The following ST6GALNAC4 variants were observed in gnomAD, a reference collection of about 807,000 sequenced individuals.
ST6GALNAC4 encodes the protein alpha-N-acetyl-neuraminyl-2,3-beta-galactosyl-1,3-N-acetyl-galactosaminide alpha-2,6-sialyltransferase.
In ST6GALNAC4, 24 loss-of-function variants were observed where a neutral mutation model predicts 30.4. The ratio of observed to expected loss-of-function variants is 0.79; its 90% CI spans 0.57 to 1.11. The LOEUF is 1.11. Among genes scored for constraint, ST6GALNAC4 ranks in the 50% most tolerant of loss-of-function variants. ST6GALNAC4 has a pLI of 0.00. For synonymous variants in ST6GALNAC4, 156 were observed against 179.7 expected, an observed-to-expected ratio of 0.87 and a Z score of 1.05; for missense variants, 365 against 430.1, an observed-to-expected ratio of 0.85 and a Z score of 1.34.
chr9:127,913,360 GA>G (rs1831122570), intron 3 of ST6GALNAC4, among the ~76,000 whole-genome samples: 1 of 152,190 alleles, frequency 6.6e-6, no homozygotes, highest in African/African-American at 2.4e-5. Flanking sequence ...CAAGGTGGGT[GA>G]ATCACCTGAG....
intron 4 of ST6GALNAC4, 110 bp from the exon 5 acceptor site, chr9:127,910,168 T>G: frequency 6.9e-7 from 1 of 1,454,714 alleles, no homozygotes; most frequent in Non-Finnish European, 9.1e-7. Flanking sequence ...CACCTCAACC[T>G]CTTGCGGGGG....
At chr9:127,915,349 G>A (rs555086699) in intron 2 of ST6GALNAC4, among the ~76,000 whole-genome samples, 1 of 152,058 alleles carries the variant, frequency 6.6e-6, no homozygotes, top group African/African-American at 2.4e-5. Flanking sequence ...CCTCAGAAGG[G>A]CCACCAGCCC....
chr9:127,909,419 A>G (rs1831022854), intron 5 of ST6GALNAC4, among the ~76,000 whole-genome samples: 1 of 151,482 alleles, frequency 6.6e-6, no homozygotes, highest in Non-Finnish European at 1.5e-5. Context: ...TAATAATATA[A>G]CAATGGTACA....
In ST6GALNAC4 at chr9:127,912,319, C is replaced by T. The variant is rs565160801; in HGVS notation, c.560G>A (p.Arg187His). 1.2e-4 allele frequency: 194 copies of T among 1,613,914 alleles called. No individual in the cohort carries two copies. The highest frequency in any genetic ancestry group is 1.7e-4 in the Middle Eastern group (1 of 5,978). ...PGLQVYTFTE[R>H]MMAYCDQIFQ... The stretch of plus-strand genomic sequence containing the variant: ...GATCTGGTCGCAGTAGGCCATCATG[C>T]GCTCCGTGAAGGTGTACACCTGCAG... Residue 187 changes from arginine (R) to histidine (H), a missense_variant, in exon 4 of 6, where the codon CGC becomes CAC. Physicochemically the swap from Arg to His is conservative, Grantham distance 29. Coordinates refer to ENST00000335791, the MANE Select transcript of ST6GALNAC4 (RefSeq NM_175039.4).
rs1831040943 is a variant in ST6GALNAC4, at chr9:127,910,045, A to G, written c.625T>C (p.Ser209Pro). The G allele has an allele frequency of 6.2e-7, 1 of 1,613,386 alleles. No individual in the cohort carries two copies. Among genetic ancestry groups the G allele is most frequent in the Non-Finnish European group, 8.5e-7 (1 of 1,179,914 alleles). The change falls in exon 5 of 6, where the codon TCC (serine) becomes CCC (proline). Residue 209 changes from serine (S) to proline (P), a missense_variant. Transcript: ENST00000335791. ...GTGAACCAGCCGGTGCTGAGGAAGG[A>G]GCCCGACTGCCTCCTGGGGGTGGCG... ...ETGKNRRQSGSFLSTGWFTMI... is the reference protein window; with the variant it reads ...ETGKNRRQSGPFLSTGWFTMI...
At chr9:127,916,071 GCT>G (rs904455281) in intron 2 of ST6GALNAC4, 22 of 444,756 alleles carry the variant, frequency 4.9e-5, no homozygotes, top group Admixed American at 4.2e-4. Flanking sequence ...CCCACATCCA[GCT>G]CTCTCTCTCA....
chr9:127,912,183 G>C lies in ST6GALNAC4; in HGVS notation c.611+85C>G, dbSNP rs141595118. ...GAGTGCTGACCTCCCGGGCCTGACAGAGCAGCCCCTGATGGACAAGAGACT... is the reference window on the plus strand; with the variant it reads ...GAGTGCTGACCTCCCGGGCCTGACACAGCAGCCCCTGATGGACAAGAGACT... On this transcript the variant is annotated intron_variant, in intron 4 of 5. Coordinates refer to ENST00000335791, the MANE Select transcript of ST6GALNAC4 (RefSeq NM_175039.4). 1,004 of 1,507,844 alleles carry C rather than the reference G, an allele frequency of 6.7e-4. 4 individuals are homozygous for C. The African/African-American group carries it at 0.013, about 20-fold the overall frequency. The allele number at this position is 1,507,844 out of a possible 1,614,324, so 93.4% of individuals were successfully genotyped here.
chr9:127,916,171 T>C (rs1374689743), intron 2 of ST6GALNAC4: 1 of 595,712 alleles, frequency 1.7e-6, no homozygotes, highest in Admixed American at 3.0e-5. Flanking sequence ...GGTGAGCTCG[T>C]AGCGTTACCT....
intron 5 of ST6GALNAC4, 110 bp downstream of exon 5, chr9:127,909,841 T>G (rs905361333): frequency 9.4e-7 from 1 of 1,064,790 alleles, no homozygotes; most frequent in East Asian, 2.6e-5. Flanking sequence ...TCACCCACCA[T>G]GAAGCCCACA....
At chr9:127,911,671 C>A (rs1413370274) in intron 4 of ST6GALNAC4, among the ~76,000 whole-genome samples, 1 of 152,086 alleles carries the variant, frequency 6.6e-6, no homozygotes, top group Non-Finnish European at 1.5e-5. Flanking sequence ...ATTTTTAGTA[C>A]AGATGGGGTT....
chr9:127,910,027 A>G lies in ST6GALNAC4; in HGVS notation c.643T>C (p.Trp215Arg), dbSNP rs1282102138. The change falls in exon 5 of 6, where the codon TGG (tryptophan) becomes CGG (arginine). Residue 215 changes from tryptophan to arginine, a missense_variant. By Grantham distance (101) the Trp-to-Arg change is moderately radical. Coordinates refer to ENST00000335791, the MANE Select transcript of ST6GALNAC4 (RefSeq NM_175039.4). ...TCCAGCGCGAGGATCATGGTGAACC[A>G]GCCGGTGCTGAGGAAGGAGCCCGAC... Reference protein sequence around the residue: ...RQSGSFLSTGWFTMILALELC... With the variant: ...RQSGSFLSTGRFTMILALELC... 2.5e-6 allele frequency: 4 copies of G among 1,613,516 alleles called. No individual in the cohort carries two copies. The South Asian group carries it at 4.4e-5, about 18-fold the overall frequency.
At chr9:127,914,253 G>A (rs148687607) in intron 3 of ST6GALNAC4, among the ~76,000 whole-genome samples, 1 of 151,470 alleles carries the variant, frequency 6.6e-6, no homozygotes, top group Admixed American at 6.6e-5. Context: ...AATTAGCCAG[G>A]TGTGGTGGTA....
chr9:127,915,671 G>A (rs1164161560), intron 2 of ST6GALNAC4, among the ~76,000 whole-genome samples: 1 of 152,182 alleles, frequency 6.6e-6, no homozygotes, highest in African/African-American at 2.4e-5. Context: ...AAGCCTCCCA[G>A]GAGGGGAAGG....
intron 4 of ST6GALNAC4, 199 bp from the exon 5 acceptor site, chr9:127,910,257 A>G (rs1446087250): frequency 1.5e-6 from 2 of 1,375,934 alleles, no homozygotes; most frequent in East Asian, 2.9e-5. Flanking sequence ...ACACAAACCC[A>G]GGCCTGATCA....
At chr9:127,910,417 T>A in intron 4 of ST6GALNAC4, 3 of 1,061,070 alleles carry the variant, frequency 2.8e-6, no homozygotes, top group Non-Finnish European at 3.4e-6. Context: ...CAGGGCACCG[T>A]GGTTTGAAGT....
Position 127,912,648 on chromosome 9 carries a change from G to A in ST6GALNAC4, c.231C>T (p.Ala77=), listed in dbSNP as rs764824937. Residue 77 remains alanine, a synonymous_variant, in exon 4 of 6, where the codon GCC becomes GCT. Transcript: ENST00000335791. ...GCATTTGGCCGGAGCTGGACACCAC[G>A]GCACAGCTGCGGCAGGGCTCGCGGA... ...PLVREPCRSC[A]VVSSSGQMLG... 37 of 1,589,134 alleles carry A rather than the reference G, an allele frequency of 2.3e-5. No individual in the cohort carries two copies. Among genetic ancestry groups the A allele is most frequent in the South Asian group, 1.5e-4 (14 of 90,572 alleles).
Position 127,916,408 on chromosome 9 carries a change from C to A in ST6GALNAC4, c.12G>T (p.Pro4=). Residue 4 remains proline, a splice_region_variant and synonymous_variant, in exon 2 of 6, where the codon CCG becomes CCT. Coordinates refer to ENST00000335791, the MANE Select transcript of ST6GALNAC4 (RefSeq NM_175039.4). ...GGAAGTCCTCCTTCTTCCCACTTAC[C>A]GGAGCCTTCATGCTGTCGCTGTCCC... MKA[P]GRLVLIILCS... The A allele has an allele frequency of 6.2e-7, 1 of 1,614,142 alleles. No individual in the cohort carries two copies. The highest frequency in any genetic ancestry group is 8.5e-7 in the Non-Finnish European group (1 of 1,180,022).
Position 127,910,015 on chromosome 9 carries a change from T to C in ST6GALNAC4, c.655A>G (p.Ile219Val), listed in dbSNP as rs1034680009. 6.2e-7 allele frequency: 1 copy of C among 1,613,388 alleles called. No individual in the cohort carries two copies. Residue 219 changes from isoleucine to valine, a missense_variant, in exon 5 of 6, where the codon ATC (isoleucine) becomes GTC (valine). By Grantham distance (29) the Ile-to-Val change is conservative. Coordinates refer to ENST00000335791, the MANE Select transcript of ST6GALNAC4 (RefSeq NM_175039.4). ...SFLSTGWFTM[I>V]LALELCEEIV... ...TCCTCACACAGCTCCAGCGCGAGGA[T>C]CATGGTGAACCAGCCGGTGCTGAGG...
chr9:127,914,762 G>C lies in ST6GALNAC4; in HGVS notation c.92C>G (p.Pro31Arg). 6.2e-7 allele frequency: 1 copy of C among 1,607,132 alleles called. No homozygotes were observed. Among genetic ancestry groups the C allele is most frequent in the Non-Finnish European group, 8.5e-7 (1 of 1,176,830 alleles). The change falls in exon 3 of 6, where the codon CCC (proline) becomes CGC (arginine). Residue 31 changes from proline to arginine, a missense_variant. Pro to Arg is a moderately radical substitution (Grantham distance 103). Coordinates refer to ENST00000335791, the MANE Select transcript of ST6GALNAC4 (RefSeq NM_175039.4). ...YILLCCWAGL[P>R]LCLATCLDHH... ...GTCCAGGCAGGTGGCCAGGCAGAGGGGCAGGCCGGCCCAGCAGCACAGGAG... is the reference window on the plus strand; with the variant it reads ...GTCCAGGCAGGTGGCCAGGCAGAGGCGCAGGCCGGCCCAGCAGCACAGGAG...
Sources: allele counts gnomAD v4.1 joint callset (sites outside exome capture counted in the v4.1 genomes callset), GRCh38; gene constraint gnomAD v4.1.1; transcripts MANE v1.5; gene names NCBI Gene and HGNC (gene_info 2026-07-23, HGNC 2026-07-21).